EPHA5: variants seen among roughly 807,000 people sequenced by gnomAD.
EPHA5 encodes the protein ephrin type-A receptor 5.
Under a neutral mutation model 105.0 loss-of-function variants are expected in EPHA5, and 60 were observed. That is an observed-to-expected ratio of 0.57 (90% CI 0.46 to 0.71). The LOEUF (loss-of-function observed/expected upper bound fraction) is 0.71. Among genes scored for constraint, EPHA5 ranks in the 30% least tolerant of loss-of-function variants. The pLI, the probability that EPHA5 is intolerant of heterozygous loss-of-function variation, is 0.00. For synonymous variants in EPHA5, 513 were observed against 449.1 expected (o/e 1.14, Z -1.80); for missense variants, 1,218 against 1,274.7 (o/e 0.96, Z 0.68).
intron 2 of EPHA5, among the ~76,000 whole-genome samples, chr4:65,632,378 T>C (rs1175664098): frequency 1.3e-5 from 2 of 151,472 alleles, no homozygotes; most frequent in Non-Finnish European, 2.9e-5. Flanking sequence ...GGACAGAAAC[T>C]GAGTCCTGTT....
At chr4:65,367,265 GTTA>G (rs1718000871) in intron 9 of EPHA5, 89 bp downstream of exon 9, 4 of 1,063,938 alleles carry the variant, frequency 3.8e-6, no homozygotes, top group Non-Finnish European at 1.4e-6. Context: ...ATTTTGGTCA[GTTA>G]TTATAAATCT....
intron 8 of EPHA5, among the ~76,000 whole-genome samples, chr4:65,400,821 A>G (rs1721742889): frequency 6.6e-6 from 1 of 152,116 alleles, no homozygotes; most frequent in African/African-American, 2.4e-5. Context: ...CTTAGACCCA[A>G]ATCATAAAAT....
chr4:65,559,147 T>G (rs557941571), intron 3 of EPHA5, among the ~76,000 whole-genome samples: 2 of 152,278 alleles, frequency 1.3e-5, no homozygotes, highest in Non-Finnish European at 1.5e-5. Context: ...ACTTTCTCTG[T>G]GGTAAATATT....
chr4:65,420,407 AAAGT>A (rs1723831407), intron 6 of EPHA5, 30 bp downstream of exon 6: 1 of 1,521,976 alleles, frequency 6.6e-7, no homozygotes, highest in Middle Eastern at 1.9e-4. Context: ...AAAAAAAAAG[AAAGT>A]GAGGACATTT....
intron 11 of EPHA5, among the ~76,000 whole-genome samples, chr4:65,360,763 C>A (rs1296455904): frequency 6.6e-6 from 1 of 151,460 alleles, no homozygotes; most frequent in Non-Finnish European, 1.5e-5. Context: ...TAAACTATAT[C>A]ATTCTAACTA....
At chr4:65,469,554 T>C (rs1169530618) in intron 5 of EPHA5, among the ~76,000 whole-genome samples, 1 of 152,126 alleles carries the variant, frequency 6.6e-6, no homozygotes, top group African/African-American at 2.4e-5. Flanking sequence ...ACCTTTAGCA[T>C]CTCAGAGCAA....
intron 1 of EPHA5, among the ~76,000 whole-genome samples, chr4:65,660,064 A>G (rs1363941674): frequency 6.6e-6 from 1 of 152,130 alleles, no homozygotes; most frequent in Non-Finnish European, 1.5e-5. Context: ...GACATTTTAT[A>G]CATATACGTG....
At chr4:65,657,898 CAAAAAAAAAAA>C (rs58539913) in intron 1 of EPHA5, among the ~76,000 whole-genome samples, 5 of 117,444 alleles carry the variant, frequency 4.3e-5, no homozygotes, top group Non-Finnish European at 7.1e-5. Context: ...TTGGTATATG[CAAAAAAAAAAA>C]AAAAAAAAAA....
At chr4:65,631,191 T>C (rs1347491064) in intron 2 of EPHA5, among the ~76,000 whole-genome samples, 1 of 152,162 alleles carries the variant, frequency 6.6e-6, no homozygotes, top group African/African-American at 2.4e-5. Flanking sequence ...TGATAAACAT[T>C]CCCTGCCTTC....
chr4:65,357,316 C>G lies in EPHA5; in HGVS notation c.2174-4213G>C, dbSNP rs992261299. 4.6e-5 allele frequency among the ~76,000 whole-genome samples: 7 copies of G among 151,528 alleles called. No homozygotes were observed. The South Asian group carries it at 1.4e-3, about 31-fold the overall frequency. On this transcript the variant is annotated intron_variant, in intron 11 of 16. Transcript: ENST00000613740. The stretch of plus-strand genomic sequence containing the variant: ...TTATATAAGGAGTAAAGTTGAGAAT[C>G]AAATTTGTATCTCTCTGAATATTAA...
intron 3 of EPHA5, among the ~76,000 whole-genome samples, chr4:65,544,912 G>A (rs1002357909): frequency 1.6e-4 from 24 of 149,750 alleles, no homozygotes; most frequent in East Asian, 2.0e-4. Flanking sequence ...GAATGAGATC[G>A]TGTCCTTGCA....
At chr4:65,438,887 A>C (rs1725748311) in intron 5 of EPHA5, among the ~76,000 whole-genome samples, 1 of 152,136 alleles carries the variant, frequency 6.6e-6, no homozygotes, top group African/African-American at 2.4e-5. Context: ...AGGAGTGAGA[A>C]CTTAGAACTG....
intron 8 of EPHA5, among the ~76,000 whole-genome samples, chr4:65,367,838 A>G (rs1037159416): frequency 3.3e-5 from 5 of 151,904 alleles, no homozygotes; most frequent in Admixed American, 1.3e-4. Flanking sequence ...ACCCTGCACA[A>G]TAGATTTTTG....
intron 5 of EPHA5, among the ~76,000 whole-genome samples, chr4:65,474,741 A>G (rs775310248): frequency 2.0e-4 from 31 of 152,214 alleles, no homozygotes; most frequent in Non-Finnish European, 4.0e-4. Context: ...GTATCCAATG[A>G]ACGGTTAATT....
At chr4:65,533,349 CTAAA>C (rs752919311) in intron 3 of EPHA5, among the ~76,000 whole-genome samples, 5 of 152,014 alleles carry the variant, frequency 3.3e-5, no homozygotes, top group Non-Finnish European at 7.4e-5. Context: ...TGTGCCATGA[CTAAA>C]TAAGCTAGGC....
At chr4:65,495,123 A>G (rs757466759) in intron 4 of EPHA5, among the ~76,000 whole-genome samples, 8 of 152,190 alleles carry the variant, frequency 5.3e-5, no homozygotes, top group Non-Finnish European at 1.0e-4. Context: ...GCCACAAAAT[A>G]AAAGAAAATA....
At chr4:65,615,238 A>G (rs1296314095) in intron 2 of EPHA5, among the ~76,000 whole-genome samples, 3 of 151,436 alleles carry the variant, frequency 2.0e-5, no homozygotes, top group Non-Finnish European at 4.4e-5. Context: ...GGCAGGTACA[A>G]TAGTTGATTA....
At chr4:65,563,061 A>AT (rs1021516997) in intron 3 of EPHA5, among the ~76,000 whole-genome samples, 3 of 152,040 alleles carry the variant, frequency 2.0e-5, no homozygotes, top group Non-Finnish European at 4.4e-5. Context: ...TGTGATCATG[A>AT]TAAAATATAC....
intron 15 of EPHA5, among the ~76,000 whole-genome samples, chr4:65,335,302 A>G (rs1304486339): frequency 6.6e-6 from 1 of 152,044 alleles, no homozygotes; most frequent in African/African-American, 2.4e-5. Flanking sequence ...TACAAATATG[A>G]AACATTATTT....
Sources: gnomAD v4.1 joint callset for allele counts (sites outside exome capture counted in the v4.1 genomes callset) on GRCh38, gnomAD v4.1.1 for gene constraint, MANE v1.5 for transcripts, NCBI Gene and HGNC (gene_info 2026-07-23, HGNC 2026-07-21) for gene names.